The following TSHZ2 variants were observed in gnomAD, a reference collection of about 807,000 sequenced individuals.
TSHZ2 encodes teashirt zinc finger homeobox 2.
In TSHZ2, 21 loss-of-function variants were observed where a neutral mutation model predicts 74.4. That is an observed-to-expected ratio of 0.28 (90% CI 0.20 to 0.41). The LOEUF is 0.41. TSHZ2 is among the 10% of genes least tolerant of loss of function. The probability of loss-of-function intolerance (pLI) is 1.00; values close to 1 mark genes in which losing one functional copy is unlikely to be tolerated. For missense variants in TSHZ2, 1,244 were observed against 1,293.5 expected (o/e 0.96, Z 0.59); for synonymous variants, 540 against 515.3 (o/e 1.05, Z -0.65).
Position 53,488,223 on chromosome 20 carries a change from G to C in TSHZ2, c.*1088G>C, listed in dbSNP as rs918687692. On this transcript the variant is annotated 3_prime_UTR_variant, in exon 3 of 3. Transcript: ENST00000371497. ...CCCGTTAATAATGAGATCTAATTAAGACATCCATTAAAAGCCCGTTAAAGT... is the reference window on the plus strand; with the variant it reads ...CCCGTTAATAATGAGATCTAATTAACACATCCATTAAAAGCCCGTTAAAGT... 1 of 152,092 alleles carries C rather than the reference G, an allele frequency of 6.6e-6. No homozygotes were observed. Among genetic ancestry groups the C allele is most frequent in the Admixed American group, 6.5e-5 (1 of 15,270 alleles). 9.4% of individuals were successfully genotyped at this position (152,092 alleles called of 1,614,324 possible).
chr20:53,028,709 G>A (rs1180715365), intron 1 of TSHZ2, among the ~76,000 whole-genome samples: 2 of 152,170 alleles, frequency 1.3e-5, no homozygotes, highest in Admixed American at 6.5e-5. Context: ...GCTGGAGATG[G>A]GAATAACTTT....
At chr20:53,268,015 G>A (rs191815212) in intron 2 of TSHZ2, among the ~76,000 whole-genome samples, 18 of 152,272 alleles carry the variant, frequency 1.2e-4, no homozygotes, top group Admixed American at 6.5e-4. Context: ...ACTGCTTCTG[G>A]TGAAGCAAAG....
chr20:53,084,432 A>G (rs960743248), intron 1 of TSHZ2, among the ~76,000 whole-genome samples: 3 of 152,214 alleles, frequency 2.0e-5, no homozygotes, highest in Non-Finnish European at 2.9e-5. Context: ...TCACTAGCTA[A>G]AACTGAATGA....
At chr20:53,059,072 CCT>C (rs760771552) in intron 1 of TSHZ2, among the ~76,000 whole-genome samples, 19 of 152,070 alleles carry the variant, frequency 1.2e-4, no homozygotes, top group Non-Finnish European at 2.2e-4. Flanking sequence ...ACATTTTTTC[CCT>C]GTCTGTAAAT....
chr20:53,115,668 T>C (rs528900088), intron 1 of TSHZ2, among the ~76,000 whole-genome samples: 1 of 151,958 alleles, frequency 6.6e-6, no homozygotes, highest in Admixed American at 6.6e-5. Context: ...GGTAGTGAGG[T>C]GCAGAGGTGG....
chr20:53,064,434 T>C (rs1251255827), intron 1 of TSHZ2, among the ~76,000 whole-genome samples: 1 of 151,972 alleles, frequency 6.6e-6, no homozygotes, highest in Admixed American at 6.6e-5. Flanking sequence ...GCCTTCTTTA[T>C]TTTTTTTATG....
chr20:53,463,414 GGAAGGAAGGAAGGAAGGAA>G (rs1424749844), intron 2 of TSHZ2, among the ~76,000 whole-genome samples: 23 of 126,564 alleles, frequency 1.8e-4, no homozygotes, highest in South Asian at 9.0e-4. Flanking sequence ...AAGGAAGGAA[GGAAGGAAGGAAGGAAGGAA>G]GGAGGGAGGG....
rs1195210802 is a variant in TSHZ2, at chr20:53,490,633, T to A, written c.*3498T>A. On this transcript the variant is annotated 3_prime_UTR_variant, in exon 3 of 3. Transcript: ENST00000371497. ...TTTCAGGTCACAGATTTCTTAAAAC[T>A]CACCCCCAAAATGTGCCTGCTTGGT... 1.3e-5 allele frequency: 2 copies of A among 152,184 alleles called. No homozygotes were observed. Among genetic ancestry groups the A allele is most frequent in the African/African-American group, 4.8e-5 (2 of 41,444 alleles). 9.4% of individuals were successfully genotyped at this position (152,184 alleles called of 1,614,324 possible). A position where few individuals can be genotyped will look rare whatever the true frequency, so the allele number is the denominator to read the frequency against.
chr20:53,252,085 A>G (rs1448785284), intron 1 of TSHZ2, among the ~76,000 whole-genome samples: 1 of 152,252 alleles, frequency 6.6e-6, no homozygotes, highest in South Asian at 2.1e-4. Context: ...ATGCATTTGC[A>G]GTGTTTAGCT....
At chr20:53,124,348 A>G (rs1986891072) in intron 1 of TSHZ2, among the ~76,000 whole-genome samples, 1 of 152,154 alleles carries the variant, frequency 6.6e-6, no homozygotes. Context: ...ATCCATTTGG[A>G]GGCTGAATTT....
At chr20:53,163,360 C>CTTTTTTTTTTTTTT (rs55685519) in intron 1 of TSHZ2, among the ~76,000 whole-genome samples, 8 of 65,636 alleles carry the variant, frequency 1.2e-4, no homozygotes, top group Admixed American at 2.0e-4. Flanking sequence ...CTCTCTGTCT[C>CTTTTTTTTTTTTTT]TTTTTTTTTT....
chr20:53,357,130 TG>T (rs1427753846), intron 2 of TSHZ2, among the ~76,000 whole-genome samples: 1 of 152,200 alleles, frequency 6.6e-6, no homozygotes, highest in Non-Finnish European at 1.5e-5. Context: ...TCCGCTAGTT[TG>T]CATAAATTCC....
At chr20:52,992,093 C>T (rs551095518) in intron 1 of TSHZ2, among the ~76,000 whole-genome samples, 2 of 152,296 alleles carry the variant, frequency 1.3e-5, no homozygotes, top group African/African-American at 2.4e-5. Context: ...GTATAAGAGA[C>T]AGATAGTACT....
intron 2 of TSHZ2, among the ~76,000 whole-genome samples, chr20:53,368,420 C>G (rs1981352414): frequency 6.6e-6 from 1 of 152,160 alleles, no homozygotes; most frequent in African/African-American, 2.4e-5. Context: ...AGCGATTCTC[C>G]TGCCTTCAGA....
chr20:52,976,155 G>T (rs780154274), intron 1 of TSHZ2, among the ~76,000 whole-genome samples: 2 of 152,176 alleles, frequency 1.3e-5, no homozygotes. Context: ...ACTAAAGCAG[G>T]TATCTAAACA....
At chr20:53,280,776 T>C (rs1178511640) in intron 2 of TSHZ2, among the ~76,000 whole-genome samples, 1 of 152,058 alleles carries the variant, frequency 6.6e-6, no homozygotes, top group East Asian at 1.9e-4. Context: ...CACTGCAACC[T>C]CCGCCTCCTG....
intron 1 of TSHZ2, among the ~76,000 whole-genome samples, chr20:53,130,094 T>C (rs1051034408): frequency 6.6e-6 from 1 of 152,022 alleles, no homozygotes; most frequent in Non-Finnish European, 1.5e-5. Context: ...TATGTGTGGT[T>C]GATAGTGGCT....
intron 1 of TSHZ2, among the ~76,000 whole-genome samples, chr20:53,235,207 A>T (rs1488895804): frequency 1.3e-5 from 2 of 151,306 alleles, no homozygotes; most frequent in African/African-American, 4.9e-5. Context: ...TCACTCTGTC[A>T]CCCAGGCTGG....
intron 1 of TSHZ2, among the ~76,000 whole-genome samples, chr20:53,173,617 TTAATAA>T (rs928650755): frequency 9.9e-5 from 15 of 151,866 alleles, no homozygotes; most frequent in African/African-American, 3.6e-4. Flanking sequence ...CAAAAGAAAA[TTAATAA>T]TAATAACAAT....
Sources: allele counts gnomAD v4.1 joint callset (sites outside exome capture counted in the v4.1 genomes callset), GRCh38; gene constraint gnomAD v4.1.1; transcripts MANE v1.5; gene names NCBI Gene and HGNC (gene_info 2026-07-23, HGNC 2026-07-21).